Variants in ALG14 observed in about 807,000 individuals in gnomAD.
ALG14 encodes the protein UDP-N-acetylglucosamine transferase subunit ALG14.
A neutral mutation model predicts 22.8 loss-of-function variants in ALG14; 17 were observed. The ratio of observed to expected loss-of-function variants is 0.75; its 90% CI spans 0.51 to 1.12. ALG14 has a LOEUF of 1.12. ALG14 is among the 50% of genes most tolerant of loss of function. The probability of loss-of-function intolerance (pLI) is 0.00; values close to 1 mark genes in which losing one functional copy is unlikely to be tolerated. For synonymous variants in ALG14, 89 were observed against 103.7 expected, an observed-to-expected ratio of 0.86 and a Z score of 0.86; for missense variants, 288 against 271.8, an observed-to-expected ratio of 1.06 and a Z score of -0.42.
At chr1:94,990,875 G>C (rs907840973) in intron 3 of ALG14, among the ~76,000 whole-genome samples, 2 of 152,174 alleles carry the variant, frequency 1.3e-5, no homozygotes, top group Admixed American at 6.5e-5. Flanking sequence ...AGTAAACTTC[G>C]GTTCTGTAGG....
At chr1:95,057,527 T>G (rs555687529) in intron 2 of ALG14, among the ~76,000 whole-genome samples, 3 of 151,528 alleles carry the variant, frequency 2.0e-5, no homozygotes, top group African/African-American at 7.3e-5. Context: ...AAAAGGGACT[T>G]GAGCATCTGC....
intron 2 of ALG14, among the ~76,000 whole-genome samples, chr1:95,064,568 T>G (rs182459109): frequency 6.6e-6 from 1 of 152,236 alleles, no homozygotes; most frequent in Admixed American, 6.5e-5. Flanking sequence ...GTTCTGTTTA[T>G]GTGATGAATT....
intron 3 of ALG14, among the ~76,000 whole-genome samples, chr1:94,993,358 G>T (rs1672825453): frequency 2.1e-5 from 3 of 142,084 alleles, no homozygotes; most frequent in Non-Finnish European, 3.1e-5. Context: ...TTTATATATA[G>T]ATATTTAAGT....
chr1:94,986,349 A>G (rs1053854657), intron 3 of ALG14, among the ~76,000 whole-genome samples: 5 of 152,254 alleles, frequency 3.3e-5, no homozygotes, highest in African/African-American at 7.2e-5. Flanking sequence ...AGAAAGGAAG[A>G]AGCAAGGGAG....
At chr1:95,049,528 CT>C (rs1350852639) in intron 2 of ALG14, among the ~76,000 whole-genome samples, 6 of 151,752 alleles carry the variant, frequency 4.0e-5, no homozygotes, top group African/African-American at 1.5e-4. Flanking sequence ...GAGTGAGACC[CT>C]GCCTCAAAAA....
At chr1:94,994,347 A>C (rs1672856867) in intron 3 of ALG14, among the ~76,000 whole-genome samples, 1 of 152,190 alleles carries the variant, frequency 6.6e-6, no homozygotes, top group Non-Finnish European at 1.5e-5. Context: ...CACACCCTGA[A>C]GTAAGTGGCT....
chr1:95,059,265 C>T lies in ALG14; in HGVS notation c.288+5601G>A, dbSNP rs902645700. On this transcript the variant is annotated intron_variant, in intron 2 of 3. Coordinates refer to ENST00000370205, the MANE Select transcript of ALG14 (RefSeq NM_144988.4). ...TACAAAAATTAGTTGGGCGTGGTGG[C>T]GGGCACCTGTAATCCAAACTACTAG... 1.3e-4 allele frequency among the ~76,000 whole-genome samples: 19 copies of T among 151,538 alleles called. No individual in the cohort carries two copies. The South Asian group carries it at 1.5e-3, about 12-fold the overall frequency.
chr1:95,065,028 T>C lies in ALG14; in HGVS notation c.137-11A>G. 3.1e-6 allele frequency: 5 copies of C among 1,606,274 alleles called. No individual in the cohort carries two copies. Among genetic ancestry groups the C allele is most frequent in the Non-Finnish European group, 4.3e-6 (5 of 1,176,068 alleles). On this transcript the variant is annotated splice_polypyrimidine_tract_variant and intron_variant, in intron 1 of 3. Coordinates refer to ENST00000370205, the MANE Select transcript of ALG14 (RefSeq NM_144988.4). The stretch of plus-strand genomic sequence containing the variant: ...CAGTGGTATGCCCACCTGGAAAAAA[T>C]ATCAGAAGTCCTAAGATTAAGAAAC...
intron 1 of ALG14, chr1:95,067,651 A>G (rs1013580835): frequency 6.6e-6 from 1 of 151,930 alleles, no homozygotes; most frequent in Non-Finnish European, 1.5e-5. Context: ...ATTTCTCACC[A>G]TTTCTTTTGC....
chr1:95,060,266 C>T (rs1286369852), intron 2 of ALG14, among the ~76,000 whole-genome samples: 1 of 151,782 alleles, frequency 6.6e-6, no homozygotes, highest in African/African-American at 2.4e-5. Flanking sequence ...TTCCCAGCTT[C>T]AGATTCATGA....
At chr1:95,005,658 T>C (rs528162614) in intron 3 of ALG14, among the ~76,000 whole-genome samples, 21 of 152,244 alleles carry the variant, frequency 1.4e-4, no homozygotes, top group African/African-American at 5.1e-4. Context: ...ATCTCTTGTA[T>C]CAAGTAAAAA....
Position 94,983,138 on chromosome 1 carries a change from C to T in ALG14, c.589G>A (p.Val197Ile). ...TTTTCTTTCAGAGCCGGCCACTGAA[C>T]AATGAAGTAATCTGAGAGATGAAAC... ...ILFHLSDYFI[V>I]QWPALKEKYP... The change falls in exon 4 of 4, where the codon GTT becomes ATT. Residue 197 changes from valine to isoleucine, a missense_variant. Physicochemically the swap from Val to Ile is conservative, Grantham distance 29. Coordinates refer to ENST00000370205, the MANE Select transcript of ALG14 (RefSeq NM_144988.4). The T allele has an allele frequency of 6.2e-7, 1 of 1,614,100 alleles. No homozygotes were observed. Among genetic ancestry groups the T allele is most frequent in the Non-Finnish European group, 8.5e-7 (1 of 1,180,014 alleles).
chr1:95,029,223 AG>A (rs1673920436), intron 2 of ALG14, among the ~76,000 whole-genome samples: 5 of 152,128 alleles, frequency 3.3e-5, no homozygotes, highest in African/African-American at 1.2e-4. Flanking sequence ...CTGGCCATTT[AG>A]TGCTGATTGC....
rs1040333007 is a variant in ALG14 at position 94,983,368 on chromosome 1, G to T, written c.421-62C>A. 8 of 1,397,034 alleles carry T rather than the reference G, an allele frequency of 5.7e-6. No homozygotes were observed. The Admixed American group carries it at 1.5e-4, about 26-fold the overall frequency. The allele number at this position is 1,397,034 out of a possible 1,614,324, so 86.5% of individuals were successfully genotyped here. A position where few individuals can be genotyped will look rare whatever the true frequency, so the allele number is the denominator to read the frequency against. ...AATAATAATCTAAGGGAGGCATTTTGCATTAAGAACAGCCTGATTTCAGAG... is the reference window on the plus strand; with the variant it reads ...AATAATAATCTAAGGGAGGCATTTTTCATTAAGAACAGCCTGATTTCAGAG... On this transcript the variant is annotated intron_variant, in intron 3 of 3. Coordinates refer to ENST00000370205, the MANE Select transcript of ALG14 (RefSeq NM_144988.4).
chr1:94,986,923 G>C (rs915473592), intron 3 of ALG14, among the ~76,000 whole-genome samples: 59 of 152,126 alleles, frequency 3.9e-4, no homozygotes, highest in African/African-American at 1.4e-3. Flanking sequence ...TGACCAATCA[G>C]AGCATCGAAT....
intron 2 of ALG14, among the ~76,000 whole-genome samples, chr1:95,063,021 G>A (rs1295762624): frequency 6.6e-6 from 1 of 152,130 alleles, no homozygotes; most frequent in Non-Finnish European, 1.5e-5. Context: ...ATCTCATTGT[G>A]GTTTTGATTT....
chr1:95,047,086 A>T (rs1008764572), intron 2 of ALG14, among the ~76,000 whole-genome samples: 1 of 152,126 alleles, frequency 6.6e-6, no homozygotes, highest in African/African-American at 2.4e-5. Context: ...ACAGAATTAA[A>T]TTTTTTTTAA....
chr1:95,047,262 T>C (rs536216464), intron 2 of ALG14, among the ~76,000 whole-genome samples: 234 of 152,302 alleles, frequency 1.5e-3, no homozygotes, highest in African/African-American at 5.4e-3. Context: ...ACTGGCAGGA[T>C]ATAACTCAAA....
At chr1:95,021,796 A>G (rs1037647865) in intron 3 of ALG14, among the ~76,000 whole-genome samples, 10 of 152,202 alleles carry the variant, frequency 6.6e-5, no homozygotes, top group African/African-American at 2.4e-4. Context: ...CTGTGACCAC[A>G]TCAGTCCCTT....
Sources: gnomAD v4.1 joint callset for allele counts (sites outside exome capture counted in the v4.1 genomes callset) on GRCh38, gnomAD v4.1.1 for gene constraint, MANE v1.5 for transcripts, NCBI Gene and HGNC (gene_info 2026-07-23, HGNC 2026-07-21) for gene names.